The following FCAMR variants were observed in gnomAD, a reference collection of about 807,000 sequenced individuals.
The protein encoded by FCAMR is high affinity immunoglobulin alpha and immunoglobulin mu Fc receptor.
Under a neutral mutation model 52.2 loss-of-function variants are expected in FCAMR, and 51 were observed. The observed-to-expected ratio is 0.98, with a 90% CI of 0.78 to 1.23. The LOEUF (loss-of-function observed/expected upper bound fraction) is 1.23, where lower values mean the gene tolerates loss of function less well. Ranked by LOEUF, FCAMR falls within the 50% of genes most tolerant of loss-of-function variation. The pLI, the probability that FCAMR is intolerant of heterozygous loss-of-function variation, is 0.00. For synonymous variants in FCAMR, 282 were observed against 262.0 expected, an observed-to-expected ratio of 1.08 and a Z score of -0.74; for missense variants, 719 against 712.6, an observed-to-expected ratio of 1.01 and a Z score of -0.10.
rs1178283520 is a variant in FCAMR at position 206,958,822 on chromosome 1, G to A, written c.1574-146C>T. On this transcript the variant is annotated intron_variant, in intron 7 of 7. Coordinates refer to ENST00000324852, the MANE Select transcript of FCAMR (RefSeq NM_001170631.2). ...AGCCCTAGTTGGCTAGGCTAAGCCAGCCTAGCCCATGATAGGGCTTGGACT... is the reference window on the plus strand; with the variant it reads ...AGCCCTAGTTGGCTAGGCTAAGCCAACCTAGCCCATGATAGGGCTTGGACT... 3 of 1,040,886 alleles carry A rather than the reference G, an allele frequency of 2.9e-6. No individual in the cohort carries two copies. In the Admixed American group the frequency reaches 6.2e-5, roughly 22 times the overall value. 64.5% of individuals were successfully genotyped at this position (1,040,886 alleles called of 1,614,324 possible). A position where few individuals can be genotyped will look rare whatever the true frequency, so the allele number is the denominator to read the frequency against.
chr1:206,958,516 T>C lies in FCAMR; in HGVS notation c.1734A>G (p.Ter578TrpextTer5), dbSNP rs1457612723. 1.2e-6 allele frequency: 2 copies of C among 1,610,982 alleles called. No individual in the cohort carries two copies. Among genetic ancestry groups the C allele is most frequent in the Admixed American group, 3.3e-5 (2 of 59,906 alleles). ...ACTGAGCAGTTCATCTCTCTGTCCCTCAGGGTCCTGGATTTCTCTCTGGGG... is the reference window on the plus strand; with the variant it reads ...ACTGAGCAGTTCATCTCTCTGTCCCCCAGGGTCCTGGATTTCTCTCTGGGG... The part of the protein sequence containing the change: ...LTAPERNPGP[*>W] Residue 578 changes from the stop codon to tryptophan, a stop_lost, in exon 8 of 8, where the codon TGA becomes TGG. Coordinates refer to ENST00000324852, the MANE Select transcript of FCAMR (RefSeq NM_001170631.2).
intron 1 of FCAMR, among the ~76,000 whole-genome samples, chr1:206,968,193 G>A (rs568046445): frequency 6.6e-6 from 1 of 152,274 alleles, no homozygotes; most frequent in East Asian, 1.9e-4. Context: ...ACAAAAATTA[G>A]CCTGACGTGG....
intron 1 of FCAMR, chr1:206,969,136 G>A: frequency 6.3e-6 from 2 of 319,802 alleles, no homozygotes; most frequent in South Asian, 2.5e-5. Context: ...GGCTGATTCT[G>A]GGGCTGGTAC....
At chr1:206,964,244 C>T (rs1371829762) in intron 4 of FCAMR, among the ~76,000 whole-genome samples, 1 of 152,182 alleles carries the variant, frequency 6.6e-6, no homozygotes, top group Non-Finnish European at 1.5e-5. Context: ...GGGGCTGTTG[C>T]TGGGACCAGC....
intron 3 of FCAMR, among the ~76,000 whole-genome samples, chr1:206,966,096 G>A (rs1680698620): frequency 6.6e-6 from 1 of 152,188 alleles, no homozygotes; most frequent in Non-Finnish European, 1.5e-5. Flanking sequence ...GAAGAGGGAA[G>A]GCAGCAACCA....
chr1:206,958,996 T>C (rs777662744), intron 7 of FCAMR: 30 of 518,012 alleles, frequency 5.8e-5, no homozygotes, highest in African/African-American at 5.0e-4. Flanking sequence ...AGCTGGGCTT[T>C]GCCAAAGGGG....
chr1:206,958,359 C>T lies in FCAMR; in HGVS notation c.*157G>A. The T allele has an allele frequency of 1.2e-6, 1 of 815,018 alleles. No individual in the cohort carries two copies. Among genetic ancestry groups the T allele is most frequent in the Non-Finnish European group, 1.9e-6 (1 of 533,646 alleles). 50.5% of individuals were successfully genotyped at this position (815,018 alleles called of 1,614,324 possible). On this transcript the variant is annotated 3_prime_UTR_variant, in exon 8 of 8. Transcript: ENST00000324852. ...GGATAATGCTTGACTTTCTTGGGCC[C>T]AAGGACAGCCAGCCTTTCTTCCATG...
At chr1:206,960,393 C>A (rs1680454758) in intron 6 of FCAMR, 29 bp downstream of exon 6, 3 of 1,464,414 alleles carry the variant, frequency 2.0e-6, no homozygotes, top group South Asian at 2.9e-5. Flanking sequence ...TGTGGGGCCC[C>A]CCAACCGGGA....
chr1:206,969,396 C>A (rs1280804060), intron 1 of FCAMR: 1 of 422,166 alleles, frequency 2.4e-6, no homozygotes, highest in Non-Finnish European at 4.8e-6. Flanking sequence ...CTCCAAGTCA[C>A]CCTCTCTGCC....
Position 206,960,449 on chromosome 1 carries a change from G to A in FCAMR, c.1427C>T (p.Pro476Leu), listed in dbSNP as rs1435929763. The change falls in exon 6 of 8, where the codon CCC becomes CTC. Residue 476 changes from proline (P) to leucine (L), a missense_variant. Pro to Leu is a moderately conservative substitution (Grantham distance 98, BLOSUM62 -3). Coordinates refer to ENST00000324852, the MANE Select transcript of FCAMR (RefSeq NM_001170631.2). Reference sequence around the variant, plus strand: ...CTTCACGGAGGACTCCTTGCCAGGGGGTCCCCAGGGTCCTACTGCCGGGGT... The same window carrying A: ...CTTCACGGAGGACTCCTTGCCAGGGAGTCCCCAGGGTCCTACTGCCGGGGT... ...SQTPAVGPWGPPGKESSVKRT... is the reference protein window; with the variant it reads ...SQTPAVGPWGLPGKESSVKRT... 1 of 1,514,316 alleles carries A rather than the reference G, an allele frequency of 6.6e-7. No homozygotes were observed. The highest frequency in any genetic ancestry group is 1.4e-5 in the African/African-American group (1 of 71,636). 93.8% of individuals were successfully genotyped at this position (1,514,316 alleles called of 1,614,324 possible).
At chr1:206,960,392 C>T (rs986285499) in intron 6 of FCAMR, 30 bp downstream of exon 6, 2 of 1,464,472 alleles carry the variant, frequency 1.4e-6, no homozygotes, top group South Asian at 1.5e-5. Context: ...ATGTGGGGCC[C>T]CCCAACCGGG....
At chr1:206,968,491 AC>A (rs1425997511) in intron 1 of FCAMR, among the ~76,000 whole-genome samples, 2 of 152,360 alleles carry the variant, frequency 1.3e-5, no homozygotes, top group South Asian at 4.1e-4. Flanking sequence ...GAAAAAGCAA[AC>A]TAAAGTTAGC....
rs1209692605 is a variant in FCAMR at position 206,960,966 on chromosome 1, C to G, written c.910G>C (p.Ala304Pro). Residue 304 changes from alanine to proline, a missense_variant, in exon 6 of 8, where the codon GCA (alanine) becomes CCA (proline). Coordinates refer to ENST00000324852, the MANE Select transcript of FCAMR (RefSeq NM_001170631.2). ...GGACTCTCTGGAATCGGAGCAGGTG[C>G]TTTGACAGAACCCTCTGCCCAGCTG... Reference protein sequence around the residue: ...TGSWAEGSVKAPAPIPESPPS... With the variant: ...TGSWAEGSVKPPAPIPESPPS... 1.9e-6 allele frequency: 3 copies of G among 1,551,944 alleles called. No homozygotes were observed. Among genetic ancestry groups the G allele is most frequent in the Admixed American group, 3.9e-5 (2 of 51,008 alleles).
intron 3 of FCAMR, among the ~76,000 whole-genome samples, chr1:206,966,629 C>T (rs1188571718): frequency 6.6e-6 from 1 of 152,204 alleles, no homozygotes; most frequent in Non-Finnish European, 1.5e-5. Context: ...TGTGATCCGC[C>T]TGCCTGGGCC....
At chr1:206,967,170 G>C in intron 2 of FCAMR, 58 bp from the exon 3 acceptor site, 1 of 1,553,808 alleles carries the variant, frequency 6.4e-7, no homozygotes, top group South Asian at 1.1e-5. Context: ...AGGGTGGTGG[G>C]ACTTGAGAGA....
In FCAMR at chr1:206,967,556, G is replaced by T. The variant is rs201844666; in HGVS notation, c.108+27C>A. The T allele has an allele frequency of 9.8e-4, 1,576 of 1,610,342 alleles. 7 individuals are homozygous for T. Among genetic ancestry groups the T allele is most frequent in the Middle Eastern group, 4.6e-3 (28 of 6,054 alleles). On this transcript the variant is annotated intron_variant, in intron 2 of 7. Coordinates refer to ENST00000324852, the MANE Select transcript of FCAMR (RefSeq NM_001170631.2). Reference sequence around the variant, plus strand: ...CCTTTTCAGGAGAATGAAGGAATCTGCAAGGGGTTGTTGTTACACAACTTA... The same window carrying T: ...CCTTTTCAGGAGAATGAAGGAATCTTCAAGGGGTTGTTGTTACACAACTTA...
intron 4 of FCAMR, among the ~76,000 whole-genome samples, chr1:206,964,036 G>A (rs575219099): frequency 9.2e-5 from 14 of 152,132 alleles, no homozygotes; most frequent in Non-Finnish European, 1.9e-4. Flanking sequence ...TGGGACAAAG[G>A]GCATGCTTGT....
chr1:206,963,521 G>A (rs986831368), intron 4 of FCAMR, among the ~76,000 whole-genome samples: 2 of 152,128 alleles, frequency 1.3e-5, no homozygotes, highest in Non-Finnish European at 2.9e-5. Flanking sequence ...AAAGAGCCCC[G>A]CCTAGTCTAA....
intron 4 of FCAMR, among the ~76,000 whole-genome samples, chr1:206,965,027 C>T (rs112073073): frequency 6.1e-4 from 93 of 152,280 alleles, no homozygotes; most frequent in African/African-American, 1.9e-3. Context: ...TATGTCTGTG[C>T]TGATACTCAC....
Sources: gnomAD v4.1 joint callset for allele counts (sites outside exome capture counted in the v4.1 genomes callset) on GRCh38, gnomAD v4.1.1 for gene constraint, MANE v1.5 for transcripts, NCBI Gene and HGNC (gene_info 2026-07-23, HGNC 2026-07-21) for gene names.